The following FBXO25 variants were observed in gnomAD, a reference collection of about 807,000 sequenced individuals.
FBXO25 encodes the protein F-box protein 25.
A neutral mutation model predicts 51.9 loss-of-function variants in FBXO25; 45 were observed. That is an observed-to-expected ratio of 0.87 (90% CI 0.68 to 1.11). FBXO25 has a LOEUF of 1.11. Among genes scored for constraint, FBXO25 ranks in the 50% most tolerant of loss-of-function variants. The pLI, the probability that FBXO25 is intolerant of heterozygous loss-of-function variation, is 0.00. For synonymous variants in FBXO25, 199 were observed against 151.0 expected, an observed-to-expected ratio of 1.32 and a Z score of -2.33; for missense variants, 507 against 428.5, an observed-to-expected ratio of 1.18 and a Z score of -1.62.
chr8:447,418 A>C (rs1421983279), intron 5 of FBXO25, among the ~76,000 whole-genome samples: 1 of 152,158 alleles, frequency 6.6e-6, no homozygotes, highest in East Asian at 1.9e-4. Flanking sequence ...GATATTCTCT[A>C]AGGAAATTGT....
intron 2 of FBXO25, among the ~76,000 whole-genome samples, chr8:427,930 T>C (rs998698591): frequency 5.9e-5 from 9 of 152,100 alleles, no homozygotes; most frequent in Non-Finnish European, 1.3e-4. Context: ...AAGCCTGTGC[T>C]TAAAACCCTA....
At chr8:413,320 C>T (rs1179628267) in intron 2 of FBXO25, 107 bp downstream of exon 2, 37 of 1,360,326 alleles carry the variant, frequency 2.7e-5, no homozygotes, top group Admixed American at 2.9e-5. Flanking sequence ...ACTTGCCCAC[C>T]CAGAAGGCTG....
intron 9 of FBXO25, among the ~76,000 whole-genome samples, chr8:465,945 G>C (rs1800129424): frequency 6.6e-6 from 1 of 152,110 alleles, no homozygotes; most frequent in African/African-American, 2.4e-5. Flanking sequence ...TATCATACTT[G>C]ATCATATCAT....
intron 7 of FBXO25, among the ~76,000 whole-genome samples, chr8:456,768 C>T (rs1441879445): frequency 6.6e-6 from 1 of 152,216 alleles, no homozygotes; most frequent in Non-Finnish European, 1.5e-5. Flanking sequence ...GAGTGCATCA[C>T]TGGCGGTCCA....
chr8:468,881 G>C lies in FBXO25; in HGVS notation c.*77G>C, dbSNP rs1291925851. ...GGGCTCATAGTGAGTGTTCTGTGAG[G>C]TGGGTGGAGACTCCTCGGAAGCCCC... On this transcript the variant is annotated 3_prime_UTR_variant, in exon 10 of 10. Transcript: ENST00000350302. 1.4e-6 allele frequency: 2 copies of C among 1,414,224 alleles called. No individual in the cohort carries two copies. Among genetic ancestry groups the C allele is most frequent in the African/African-American group, 1.4e-5 (1 of 70,284 alleles). The allele number at this position is 1,414,224 out of a possible 1,614,324, so 87.6% of individuals were successfully genotyped here.
At chr8:453,187 T>A (rs1267024668) in intron 7 of FBXO25, among the ~76,000 whole-genome samples, 1 of 152,216 alleles carries the variant, frequency 6.6e-6, no homozygotes, top group African/African-American at 2.4e-5. Flanking sequence ...TAATGTTTAA[T>A]CTTTGGGGAA....
At chr8:459,458 C>A (rs2116798501) in intron 8 of FBXO25, among the ~76,000 whole-genome samples, 1 of 152,326 alleles carries the variant, frequency 6.6e-6, no homozygotes, top group East Asian at 1.9e-4. Context: ...TTGTCTGTGT[C>A]CTGTGAGCTC....
At chr8:464,156 TACCCATGGCTGGTCTCAAA>T (rs1441750968) in intron 9 of FBXO25, among the ~76,000 whole-genome samples, 8 of 152,186 alleles carry the variant, frequency 5.3e-5, no homozygotes, top group African/African-American at 1.7e-4. Context: ...TTCACCGTGT[TACCCATGGCTGGTCTCAAA>T]ACTCCCAAGC....
At chr8:461,376 C>G (rs1305756411) in intron 8 of FBXO25, among the ~76,000 whole-genome samples, 1 of 152,154 alleles carries the variant, frequency 6.6e-6, no homozygotes, top group Non-Finnish European at 1.5e-5. Context: ...GGAGGCCTCA[C>G]AATCCTGGTG....
At chr8:445,427 T>C (rs1798677769) in intron 5 of FBXO25, among the ~76,000 whole-genome samples, 1 of 152,244 alleles carries the variant, frequency 6.6e-6, no homozygotes, top group African/African-American at 2.4e-5. Flanking sequence ...CCAAATGTTG[T>C]CTCAGGGGTC....
intron 4 of FBXO25, among the ~76,000 whole-genome samples, chr8:434,955 C>T (rs931946965): frequency 5.3e-5 from 8 of 152,132 alleles, no homozygotes; most frequent in Non-Finnish European, 1.0e-4. Flanking sequence ...TCTTGGCATC[C>T]GTGCTCCCAG....
chr8:445,340 G>A (rs1287544332), intron 5 of FBXO25, among the ~76,000 whole-genome samples: 5 of 152,058 alleles, frequency 3.3e-5, no homozygotes, highest in South Asian at 2.1e-4. Flanking sequence ...GGAGGTAGTC[G>A]GGAAGACCTT....
At chr8:449,969 T>A (rs1447642856) in intron 5 of FBXO25, 21 bp from the exon 6 acceptor site, 2 of 1,563,242 alleles carry the variant, frequency 1.3e-6, no homozygotes, top group African/African-American at 2.7e-5. Flanking sequence ...TCGCTCAGCT[T>A]TTTTCCGTCT....
Position 473,237 on chromosome 8 carries a change from G to C in FBXO25, c.*4433G>C, listed in dbSNP as rs1800538979. ...CCATGGGCTAAATGCCACTGAGCCG[G>C]TAGGAGCTGCTCAGGTGTAGCCTCT... On this transcript the variant is annotated 3_prime_UTR_variant, in exon 10 of 10. Transcript: ENST00000350302. 1 of 152,278 alleles carries C rather than the reference G, an allele frequency of 6.6e-6. No homozygotes were observed. The highest frequency in any genetic ancestry group is 1.5e-5 in the Non-Finnish European group (1 of 68,118). The allele number at this position is 152,278 out of a possible 1,614,324, so 9.4% of individuals were successfully genotyped here. A position where few individuals can be genotyped will look rare whatever the true frequency, so the allele number is the denominator to read the frequency against.
chr8:444,017 T>G (rs993215265), intron 5 of FBXO25, among the ~76,000 whole-genome samples: 3 of 152,148 alleles, frequency 2.0e-5, no homozygotes, highest in African/African-American at 7.2e-5. Flanking sequence ...GGGGCCAGCT[T>G]CTTCATCTCT....
intron 4 of FBXO25, 106 bp from the exon 5 acceptor site, chr8:435,509 A>G: frequency 8.8e-7 from 1 of 1,140,798 alleles, no homozygotes; most frequent in Non-Finnish European, 1.2e-6. Flanking sequence ...AAATAAAAAC[A>G]AATTGTCCTT....
rs533332261 is a variant in FBXO25, at chr8:450,136, G to A, written c.475+53G>A. 42 of 1,335,064 alleles carry A rather than the reference G, an allele frequency of 3.1e-5. No homozygotes were observed. The East Asian group carries it at 3.7e-4, about 12-fold the overall frequency. The allele number at this position is 1,335,064 out of a possible 1,614,324, so 82.7% of individuals were successfully genotyped here. On this transcript the variant is annotated intron_variant, in intron 6 of 9. Coordinates refer to ENST00000350302, the MANE Select transcript of FBXO25 (RefSeq NM_183420.2). ...TCTAAATCTTAATTAGAAATTTGGT[G>A]CAAGGAGATGGGATTTTTCTTTTAT...
chr8:440,269 G>C (rs1469543684), intron 5 of FBXO25, among the ~76,000 whole-genome samples: 2 of 152,218 alleles, frequency 1.3e-5, no homozygotes, highest in Non-Finnish European at 2.9e-5. Context: ...GATTAGATTA[G>C]TTCCATCATA....
chr8:435,738 T>C, intron 5 of FBXO25, 31 bp downstream of exon 5: 4 of 1,561,904 alleles, frequency 2.6e-6, no homozygotes, highest in Non-Finnish European at 3.5e-6. Context: ...ACTACTTTGA[T>C]GACTCTTTTG....
Sources: gnomAD v4.1 joint callset for allele counts (sites outside exome capture counted in the v4.1 genomes callset) on GRCh38, gnomAD v4.1.1 for gene constraint, MANE v1.5 for transcripts, NCBI Gene and HGNC (gene_info 2026-07-23, HGNC 2026-07-21) for gene names.